Variants in RBM23 observed in about 807,000 individuals in gnomAD.
RBM23 encodes the protein probable RNA-binding protein 23.
Under a neutral mutation model 56.2 loss-of-function variants are expected in RBM23, and 53 were observed. The observed-to-expected ratio is 0.94, with a 90% CI of 0.76 to 1.19. The LOEUF (loss-of-function observed/expected upper bound fraction) is 1.19. RBM23 is among the 50% of genes most tolerant of loss of function. RBM23 has a pLI of 0.00. For synonymous variants in RBM23, 197 were observed against 198.5 expected, an observed-to-expected ratio of 0.99 and a Z score of 0.06; for missense variants, 642 against 590.3, an observed-to-expected ratio of 1.09 and a Z score of -0.91.
At chr14:22,903,721 A>G (rs563677530) in intron 10 of RBM23, 2 of 1,014,420 alleles carry the variant, frequency 2.0e-6, no homozygotes, top group Admixed American at 1.0e-4. Context: ...AGAACCAGTT[A>G]TAGGAATTGG....
In RBM23 at chr14:22,901,821, G is replaced by C. The variant is rs764108332; in HGVS notation, c.1309C>G (p.Gln437Glu). 25 of 1,613,976 alleles carry C rather than the reference G, an allele frequency of 1.5e-5. No homozygotes were observed. The highest frequency in any genetic ancestry group is 3.3e-5 in the South Asian group (3 of 91,084). The change falls in exon 13 of 14, where the codon CAG becomes GAG. Residue 437 changes from glutamine (Q) to glutamate (E), a missense_variant. Gln to Glu is a conservative substitution (Grantham distance 29). Coordinates refer to ENST00000359890, the MANE Select transcript of RBM23 (RefSeq NM_001077351.2). ...CTAGACCCTGAGACTCACATGGTCT[G>C]GGGGGTAAAGAGGCTGGAGAGCTGG... ...CFQLSSLFTPQTM is the reference protein window; with the variant it reads ...CFQLSSLFTPETM
intron 10 of RBM23, chr14:22,903,851 A>C (rs1428568117): frequency 8.9e-7 from 1 of 1,118,916 alleles, no homozygotes; most frequent in Non-Finnish European, 1.1e-6. Context: ...ATTGCTTCAA[A>C]TGGGGTAGCA....
At chr14:22,906,993 G>A (rs987247628) in intron 4 of RBM23, among the ~76,000 whole-genome samples, 1 of 152,164 alleles carries the variant, frequency 6.6e-6, no homozygotes, top group Non-Finnish European at 1.5e-5. Flanking sequence ...GGCCAACATG[G>A]TGAAACCCCA....
At position 22,899,917 on chromosome 14, in the gene RBM23, CAT is replaced by C. The variant is rs2040319797; in HGVS notation, c.*1811_*1812del. The C allele has an allele frequency of 6.6e-6, 1 of 152,110 alleles. No homozygotes were observed. Among genetic ancestry groups the C allele is most frequent in the Admixed American group, 6.6e-5 (1 of 15,258 alleles). 9.4% of individuals were successfully genotyped at this position (152,110 alleles called of 1,614,324 possible). A position where few individuals can be genotyped will look rare whatever the true frequency, so the allele number is the denominator to read the frequency against. On this transcript the variant is annotated 3_prime_UTR_variant, in exon 14 of 14. Transcript: ENST00000359890. The stretch of plus-strand genomic sequence containing the variant: ...TAAGAAAGTCTTAGCATTTTGTTGC[CAT>C]AGAGATCAAAAAAGGAGCCCCACAG...
In RBM23 at chr14:22,900,329, A is replaced by ACCCCCCCCCCCCCCCCC. The variant is rs34197647; in HGVS notation, c.*1400_*1401insGGGGGGGGGGGGGGGGG. On this transcript the variant is annotated 3_prime_UTR_variant, in exon 14 of 14. Coordinates refer to ENST00000359890, the MANE Select transcript of RBM23 (RefSeq NM_001077351.2). Reference sequence around the variant, plus strand: ...TGGTACTTAACTCTTCAAGATCACAACCCCCCCCCCTCCCCGCCCCGCCCC... The same window carrying ACCCCCCCCCCCCCCCCC: ...TGGTACTTAACTCTTCAAGATCACAACCCCCCCCCCCCCCCCCCCCCCCCCCCTCCCCGCCCCGCCCC... 10 of 132,638 alleles carry ACCCCCCCCCCCCCCCCC rather than the reference A, an allele frequency of 7.5e-5. No homozygotes were observed. Among genetic ancestry groups the ACCCCCCCCCCCCCCCCC allele is most frequent in the East Asian group, 2.4e-4 (1 of 4,254 alleles). The allele number at this position is 132,638 out of a possible 1,614,324, so 8.2% of individuals were successfully genotyped here. A position where few individuals can be genotyped will look rare whatever the true frequency, so the allele number is the denominator to read the frequency against.
chr14:22,917,964 T>C lies in RBM23; in HGVS notation c.-11+1035A>G, dbSNP rs1332856933. On this transcript the variant is annotated intron_variant, in intron 1 of 13. Transcript: ENST00000359890. ...AAAGCTGGAGCCCCAGGGGTGATGG[T>C]AGCGCCATCCCCAGGGTCTGATCAC... Among the ~76,000 whole-genome samples, 5 of 152,304 alleles carry C rather than the reference T, an allele frequency of 3.3e-5. No individual in the cohort carries two copies. In the East Asian group the frequency reaches 5.8e-4, roughly 18 times the overall value.
Position 22,905,382 on chromosome 14 carries a change from C to T in RBM23, c.527G>A (p.Arg176Gln), listed in dbSNP as rs762339838. ...GTCCTCCAGATCTCGAGGCCGAATTCGGGCAGCTAACTGCATACAGAAAAC... is the reference window on the plus strand; with the variant it reads ...GTCCTCCAGATCTCGAGGCCGAATTTGGGCAGCTAACTGCATACAGAAAAC... ...RTVFCMQLAARIRPRDLEDFF... is the reference protein window; with the variant it reads ...RTVFCMQLAAQIRPRDLEDFF... Residue 176 changes from arginine to glutamine, a missense_variant, in exon 7 of 14, where the codon CGA becomes CAA. Transcript: ENST00000359890. 1.4e-5 allele frequency: 22 copies of T among 1,613,980 alleles called. No homozygotes were observed. Among genetic ancestry groups the T allele is most frequent in the Non-Finnish European group, 1.8e-5 (21 of 1,180,040 alleles).
rs1485489461 is a variant in RBM23, at chr14:22,909,475, A to G, written c.179+8T>C. The G allele has an allele frequency of 3.7e-6, 6 of 1,610,482 alleles. No individual in the cohort carries two copies. The highest frequency in any genetic ancestry group is 4.2e-6 in the Non-Finnish European group (5 of 1,178,054). Reference sequence around the variant, plus strand: ...AGTTGCCAACCCATTTCTTCCTCCCACACTCACTTGCTTGTCTCCCCGATG... The same window carrying G: ...AGTTGCCAACCCATTTCTTCCTCCCGCACTCACTTGCTTGTCTCCCCGATG... On this transcript the variant is annotated splice_region_variant and intron_variant, in intron 3 of 13. Transcript: ENST00000359890.
In RBM23 at chr14:22,909,499, T is replaced by C. The variant is rs543563770; in HGVS notation, c.163A>G (p.Ile55Val). The change falls in exon 3 of 14, where the codon ATC becomes GTC. Residue 55 changes from isoleucine (I) to valine (V), a missense_variant. Ile to Val is a conservative substitution (Grantham distance 29). Coordinates refer to ENST00000359890, the MANE Select transcript of RBM23 (RefSeq NM_001077351.2). ...SGNETSGSST[I>V]GETSKKKRSR... Reference sequence around the variant, plus strand: ...CACACTCACTTGCTTGTCTCCCCGATGGTGCTGCTTCCACTGGTCTCATTG... The same window carrying C: ...CACACTCACTTGCTTGTCTCCCCGACGGTGCTGCTTCCACTGGTCTCATTG... The C allele has an allele frequency of 8.7e-6, 14 of 1,613,098 alleles. No homozygotes were observed. The South Asian group carries it at 1.5e-4, about 18-fold the overall frequency.
At chr14:22,912,455 G>A (rs1276558284) in intron 1 of RBM23, among the ~76,000 whole-genome samples, 1 of 152,126 alleles carries the variant, frequency 6.6e-6, no homozygotes, top group Non-Finnish European at 1.5e-5. Flanking sequence ...GGTAAAACGT[G>A]CCTCCCCAAG....
chr14:22,906,283 A>G lies in RBM23; in HGVS notation c.313T>C (p.Trp105Arg), dbSNP rs371577602. 4 of 1,614,128 alleles carry G rather than the reference A, an allele frequency of 2.5e-6. No homozygotes were observed. Among genetic ancestry groups the G allele is most frequent in the African/African-American group, 1.3e-5 (1 of 74,950 alleles). Residue 105 changes from tryptophan to arginine, a missense_variant, in exon 5 of 14, where the codon TGG becomes CGG. Coordinates refer to ENST00000359890, the MANE Select transcript of RBM23 (RefSeq NM_001077351.2). The part of the protein sequence containing the change: ...GRQCRHRSRS[W>R]DRRHGSESRS... ...GACTCACTACCATGTCGACGATCCC[A>G]GCTACGGCTACGGTGACGACACTGC... is the stretch of plus-strand genomic sequence containing the variant.
rs559645896 is a variant in RBM23, at chr14:22,900,572, T to C, written c.*1158A>G. 2 of 152,284 alleles carry C rather than the reference T, an allele frequency of 1.3e-5. No homozygotes were observed. The highest frequency in any genetic ancestry group is 6.5e-5 in the Admixed American group (1 of 15,296). 9.4% of individuals were successfully genotyped at this position (152,284 alleles called of 1,614,324 possible). A position where few individuals can be genotyped will look rare whatever the true frequency, so the allele number is the denominator to read the frequency against. ...CCATAGATCAACAGTGTAATGCAGA[T>C]ACAGAATGGGAACCCCACCCAGGTG... On this transcript the variant is annotated 3_prime_UTR_variant, in exon 14 of 14. Coordinates refer to ENST00000359890, the MANE Select transcript of RBM23 (RefSeq NM_001077351.2).
chr14:22,911,487 G>T, intron 1 of RBM23, 84 bp from the exon 2 acceptor site: 2 of 1,112,686 alleles, frequency 1.8e-6, no homozygotes, highest in Non-Finnish European at 2.7e-6. Context: ...CCCACTCCAA[G>T]AAAGAGACTT....
At chr14:22,906,684 G>C (rs1335668397) in intron 4 of RBM23, among the ~76,000 whole-genome samples, 1 of 152,202 alleles carries the variant, frequency 6.6e-6, no homozygotes, top group African/African-American at 2.4e-5. Flanking sequence ...GAAGGATGGC[G>C]GCTGTGGGTG....
intron 2 of RBM23, among the ~76,000 whole-genome samples, chr14:22,909,818 T>C (rs1294533238): frequency 6.6e-6 from 1 of 152,116 alleles, no homozygotes; most frequent in East Asian, 1.9e-4. Flanking sequence ...AAACTTCAGT[T>C]ACCCAACATC....
Position 22,901,940 on chromosome 14 carries a change from AC to A in RBM23, c.1246+39del, listed in dbSNP as rs771420433. On this transcript the variant is annotated intron_variant, in intron 12 of 13. Transcript: ENST00000359890. ...AGCACCGCGCACTCCTTCTTTCCAG[AC>A]CCCCAAACCTTCCCTTCCTTTCCCA... The A allele has an allele frequency of 1.7e-5, 27 of 1,611,740 alleles. No homozygotes were observed. The African/African-American group carries it at 2.3e-4, about 14-fold the overall frequency.
intron 5 of RBM23, 22 bp from the exon 6 acceptor site, chr14:22,905,681 A>G (rs551817142): frequency 3.8e-6 from 6 of 1,566,968 alleles, no homozygotes; most frequent in Non-Finnish European, 5.3e-6. Flanking sequence ...AGAAAAACAA[A>G]AGGTGAAACC....
rs756759672 is a variant in RBM23 at position 22,909,505 on chromosome 14, T to G, written c.157A>C (p.Ser53Arg). 1 of 1,613,242 alleles carries G rather than the reference T, an allele frequency of 6.2e-7. No individual in the cohort carries two copies. Among genetic ancestry groups the G allele is most frequent in the Admixed American group, 1.7e-5 (1 of 60,000 alleles). Residue 53 changes from serine (S) to arginine (R), a missense_variant, in exon 3 of 14, where the codon AGC becomes CGC. Transcript: ENST00000359890. ...SNSGNETSGS[S>R]TIGETSKKKR... ...CACTTGCTTGTCTCCCCGATGGTGC[T>G]GCTTCCACTGGTCTCATTGCCACTG... is the stretch of plus-strand genomic sequence containing the variant.
chr14:22,911,529 A>T (rs1448873060), intron 1 of RBM23, 126 bp from the exon 2 acceptor site: 2 of 713,524 alleles, frequency 2.8e-6, no homozygotes, highest in African/African-American at 3.6e-5. Context: ...CTGTTTCTTG[A>T]ACTGCAAAGA....
Sources: gnomAD v4.1 joint callset for allele counts (sites outside exome capture counted in the v4.1 genomes callset) on GRCh38, gnomAD v4.1.1 for gene constraint, MANE v1.5 for transcripts, NCBI Gene and HGNC (gene_info 2026-07-23, HGNC 2026-07-21) for gene names.